Variants in HTR2A observed in about 807,000 individuals in gnomAD.
The protein encoded by HTR2A is 5-hydroxytryptamine receptor 2A.
HTR2A carries 14 observed loss-of-function variants against 31.0 expected under a neutral mutation model. The observed-to-expected ratio is 0.45, with a 90% CI of 0.30 to 0.71. HTR2A has a LOEUF of 0.71. Among genes scored for constraint, HTR2A ranks in the 30% least tolerant of loss-of-function variants. The probability of loss-of-function intolerance (pLI) is 0.09; values close to 1 mark genes in which losing one functional copy is unlikely to be tolerated. For missense variants in HTR2A, 442 were observed against 573.3 expected (o/e 0.77, Z 2.34); for synonymous variants, 209 against 225.2 (o/e 0.93, Z 0.64).
intron 3 of HTR2A, among the ~76,000 whole-genome samples, chr13:46,871,183 T>G (rs1237320478): frequency 6.6e-6 from 1 of 152,218 alleles, no homozygotes; most frequent in Non-Finnish European, 1.5e-5. Context: ...GAACCCATTA[T>G]CTCTTTGACA....
At chr13:46,866,416 C>T (rs184249520) in intron 3 of HTR2A, among the ~76,000 whole-genome samples, 1 of 152,314 alleles carries the variant, frequency 6.6e-6, no homozygotes, top group Admixed American at 6.5e-5. Flanking sequence ...GTGCAATCAA[C>T]TCAGGCCTCA....
rs1399601557 is a variant in HTR2A, at chr13:46,834,009, C to T, written c.*828G>A. On this transcript the variant is annotated 3_prime_UTR_variant, in exon 4 of 4. Transcript: ENST00000542664. ...TCATTTCACAGCAAGTTACCAAATA[C>T]CTCGATAGTGCTGTTTTAGAGAAGC... 6.6e-6 allele frequency: 1 copy of T among 152,204 alleles called. No homozygotes were observed. The highest frequency in any genetic ancestry group is 1.9e-4 in the East Asian group (1 of 5,192). The allele number at this position is 152,204 out of a possible 1,614,324, so 9.4% of individuals were successfully genotyped here. A position where few individuals can be genotyped will look rare whatever the true frequency, so the allele number is the denominator to read the frequency against.
At chr13:46,852,370 C>T (rs1023254788) in intron 3 of HTR2A, 1 of 152,642 alleles carries the variant, frequency 6.6e-6, no homozygotes, top group African/African-American at 2.4e-5. Context: ...TGTCCACGTT[C>T]TTGGAGGTAG....
intron 3 of HTR2A, among the ~76,000 whole-genome samples, chr13:46,880,862 G>T (rs555128743): frequency 3.8e-4 from 58 of 151,680 alleles, no homozygotes; most frequent in Non-Finnish European, 6.8e-4. Flanking sequence ...AAAAAAAGAA[G>T]GCACCTCTTT....
At chr13:46,862,794 A>G (rs73175515) in intron 3 of HTR2A, among the ~76,000 whole-genome samples, 6,949 of 152,308 alleles carry the variant, frequency 0.046, 164 homozygotes, top group Middle Eastern at 0.078. Context: ...ACATGTAGAA[A>G]GATACTATAT....
chr13:46,867,881 T>G (rs1197645048), intron 3 of HTR2A, among the ~76,000 whole-genome samples: 1 of 152,150 alleles, frequency 6.6e-6, no homozygotes, highest in African/African-American at 2.4e-5. Flanking sequence ...AACCTGCCTT[T>G]AAGTCTTGAC....
At chr13:46,882,448 G>A (rs1483532982) in intron 3 of HTR2A, among the ~76,000 whole-genome samples, 1 of 152,118 alleles carries the variant, frequency 6.6e-6, no homozygotes, top group Non-Finnish European at 1.5e-5. Flanking sequence ...ATTAGATCAC[G>A]TGTTAATTTC....
At chr13:46,848,204 G>A (rs190446238) in intron 3 of HTR2A, among the ~76,000 whole-genome samples, 210 of 152,194 alleles carry the variant, frequency 1.4e-3, no homozygotes, top group African/African-American at 4.4e-3. Context: ...TTTTTTGTTC[G>A]TTTTGCAACA....
At chr13:46,893,397 C>T (rs963442261) in intron 2 of HTR2A, among the ~76,000 whole-genome samples, 15 of 152,142 alleles carry the variant, frequency 9.9e-5, no homozygotes, top group African/African-American at 1.7e-4. Flanking sequence ...TAGCAAGCTC[C>T]CGGGTGATGC....
intron 3 of HTR2A, among the ~76,000 whole-genome samples, chr13:46,843,809 G>T (rs148187360): frequency 6.6e-6 from 1 of 152,144 alleles, no homozygotes; most frequent in East Asian, 1.9e-4. Context: ...TAGGAGTGGC[G>T]GCTGGAGGGC....
At chr13:46,890,142 G>A (rs1228285355) in intron 3 of HTR2A, among the ~76,000 whole-genome samples, 5 of 152,210 alleles carry the variant, frequency 3.3e-5, no homozygotes, top group African/African-American at 4.8e-5. Flanking sequence ...TCGGGAGTTC[G>A]AGACTAGCCT....
chr13:46,836,667 T>A (rs781054005), intron 3 of HTR2A, among the ~76,000 whole-genome samples: 1 of 152,118 alleles, frequency 6.6e-6, no homozygotes, highest in African/African-American at 2.4e-5. Context: ...GATTATCAGC[T>A]CAAGCCCAAT....
chr13:46,895,033 C>T lies in HTR2A; in HGVS notation c.412+462G>A, dbSNP rs1169810062. 1.3e-5 allele frequency among the ~76,000 whole-genome samples: 2 copies of T among 152,180 alleles called. No individual in the cohort carries two copies. Among genetic ancestry groups the T allele is most frequent in the East Asian group, 3.9e-4 (2 of 5,194 alleles). On this transcript the variant is annotated intron_variant, in intron 2 of 3. Transcript: ENST00000542664. This position sits in a 1 kb window ranked among gnomAD's most constrained non-coding sequence, Gnocchi z 4.4. ...AAATGTTCCAAAGTAATTGGGAAGG[C>T]TTTATCACTCCATTAAAAGTGCTGA...
chr13:46,883,490 G>C (rs1950983278), intron 3 of HTR2A, among the ~76,000 whole-genome samples: 1 of 152,220 alleles, frequency 6.6e-6, no homozygotes, highest in Non-Finnish European at 1.5e-5. Flanking sequence ...GGAATTTAAA[G>C]TGGTATCTTT....
At position 46,833,198 on chromosome 13, in the gene HTR2A, T is replaced by G. The variant is rs1406221713; in HGVS notation, c.*1639A>C. 6.6e-6 allele frequency: 1 copy of G among 152,206 alleles called. No individual in the cohort carries two copies. The highest frequency in any genetic ancestry group is 1.5e-5 in the Non-Finnish European group (1 of 68,036). 9.4% of individuals were successfully genotyped at this position (152,206 alleles called of 1,614,324 possible). A position where few individuals can be genotyped will look rare whatever the true frequency, so the allele number is the denominator to read the frequency against. On this transcript the variant is annotated 3_prime_UTR_variant, in exon 4 of 4. Coordinates refer to ENST00000542664, the MANE Select transcript of HTR2A (RefSeq NM_000621.5). ...TTCCCCCTCCTTTATTTGTTTGGTG[T>G]TTATTGGTAACCAATCAGGAAAACT...
intron 2 of HTR2A, among the ~76,000 whole-genome samples, chr13:46,894,157 C>G (rs1416343027): frequency 6.6e-6 from 1 of 152,162 alleles, no homozygotes; most frequent in Non-Finnish European, 1.5e-5. Flanking sequence ...CCCCACGCCC[C>G]GTGGGCTGGG....
chr13:46,849,767 T>C (rs1036725386), intron 3 of HTR2A, among the ~76,000 whole-genome samples: 4 of 152,238 alleles, frequency 2.6e-5, no homozygotes, highest in Non-Finnish European at 5.9e-5. Context: ...TTTGTTTTTT[T>C]CCTTTAGCAG....
intron 3 of HTR2A, chr13:46,852,363 C>A (rs1056316727): frequency 9.2e-5 from 14 of 152,600 alleles, no homozygotes; most frequent in Non-Finnish European, 1.6e-4. Flanking sequence ...CTGTAGGTGT[C>A]CACGTTCTTG....
At chr13:46,885,538 C>A (rs1383148558) in intron 3 of HTR2A, among the ~76,000 whole-genome samples, 2 of 152,216 alleles carry the variant, frequency 1.3e-5, no homozygotes, top group South Asian at 2.1e-4. Context: ...TAAACATAAT[C>A]CAACCTTTCC....
Sources: gnomAD v4.1 joint callset for allele counts (sites outside exome capture counted in the v4.1 genomes callset) on GRCh38, gnomAD v4.1.1 for gene constraint, Gnocchi (gnomAD v3.1) non-coding constraint, MANE v1.5 for transcripts, NCBI Gene and HGNC (gene_info 2026-07-23, HGNC 2026-07-21) for gene names.